INTS8: variants seen among roughly 807,000 people sequenced by gnomAD.
The protein encoded by INTS8 is integrator complex subunit 8.
In INTS8, 47 loss-of-function variants were observed where a neutral mutation model predicts 138.9. The ratio of observed to expected loss-of-function variants is 0.34; its 90% CI spans 0.27 to 0.43. The LOEUF (loss-of-function observed/expected upper bound fraction) is 0.43, where lower values mean the gene tolerates loss of function less well. Ranked by LOEUF, INTS8 falls within the 20% of genes least tolerant of loss-of-function variation. INTS8 has a pLI of 1.00. For synonymous variants in INTS8, 392 were observed against 400.9 expected (o/e 0.98, Z 0.27); for missense variants, 996 against 1,173.0 (o/e 0.85, Z 2.20).
At chr8:94,833,723 C>G (rs753743607) in intron 6 of INTS8, among the ~76,000 whole-genome samples, 3 of 152,138 alleles carry the variant, frequency 2.0e-5, no homozygotes, top group Non-Finnish European at 4.4e-5. Flanking sequence ...AGTGACAATT[C>G]CTGTTTTTTG....
At chr8:94,874,429 T>C in intron 22 of INTS8, 123 bp from the exon 23 acceptor site, 1 of 664,946 alleles carries the variant, frequency 1.5e-6, no homozygotes, top group Non-Finnish European at 2.8e-6. Flanking sequence ...GGTACAGAGT[T>C]CCCATATATC....
At chr8:94,877,554 C>T (rs1816606348) in intron 26 of INTS8, among the ~76,000 whole-genome samples, 1 of 152,064 alleles carries the variant, frequency 6.6e-6, no homozygotes, top group Non-Finnish European at 1.5e-5. Context: ...TTTTTTGAGA[C>T]CCTTATGCTT....
chr8:94,852,752 A>T (rs1305115219), intron 13 of INTS8, among the ~76,000 whole-genome samples: 1 of 151,734 alleles, frequency 6.6e-6, no homozygotes, highest in African/African-American at 2.4e-5. Flanking sequence ...ACCATGCCTG[A>T]TGAATTTTGT....
At chr8:94,867,670 C>A (rs949201083) in intron 20 of INTS8, 1 of 184,026 alleles carries the variant, frequency 5.4e-6, no homozygotes, top group Non-Finnish European at 1.1e-5. Flanking sequence ...ATTACAGGCA[C>A]CCACCACCAC....
chr8:94,867,767 G>C (rs1816237504), intron 20 of INTS8: 1 of 154,742 alleles, frequency 6.5e-6, no homozygotes, highest in Non-Finnish European at 1.4e-5. Flanking sequence ...CAAGTGATCT[G>C]CCCACCTCAG....
intron 20 of INTS8, among the ~76,000 whole-genome samples, chr8:94,870,325 A>G (rs1816352834): frequency 6.6e-6 from 1 of 152,176 alleles, no homozygotes; most frequent in South Asian, 2.1e-4. Flanking sequence ...TACTGGTATT[A>G]CAGGCGTGAG....
chr8:94,865,806 T>C (rs1427919641), intron 17 of INTS8, 116 bp downstream of exon 17: 1 of 988,894 alleles, frequency 1.0e-6, no homozygotes, highest in Non-Finnish European at 1.5e-6. Flanking sequence ...CTGTATATCA[T>C]AAAGTTGGAC....
chr8:94,863,353 G>A (rs1816063780), intron 16 of INTS8, among the ~76,000 whole-genome samples: 1 of 152,194 alleles, frequency 6.6e-6, no homozygotes, highest in Non-Finnish European at 1.5e-5. Context: ...CTGTGCACAC[G>A]CTGTTTGTCA....
intron 13 of INTS8, 78 bp from the exon 14 acceptor site, chr8:94,853,727 A>G (rs1815637680): frequency 1.3e-6 from 1 of 765,870 alleles, no homozygotes; most frequent in South Asian, 1.7e-5. Context: ...AATGCGATTG[A>G]AGATTGTTGA....
At position 94,832,255 on chromosome 8, in the gene INTS8, A is replaced by G. The variant is rs535481635; in HGVS notation, c.753+81A>G. 2.3e-5 allele frequency: 22 copies of G among 976,844 alleles called. No homozygotes were observed. The South Asian group carries it at 3.4e-4, about 15-fold the overall frequency. 60.5% of individuals were successfully genotyped at this position (976,844 alleles called of 1,614,324 possible). ...AGATCATCCTCCTATTTTTAATTAG[A>G]ATTTATTTCTGCCTTTGTCTCTTAA... On this transcript the variant is annotated intron_variant, in intron 6 of 26. Coordinates refer to ENST00000523731, the MANE Select transcript of INTS8 (RefSeq NM_017864.4).
rs758309204 is a variant in INTS8, at chr8:94,851,650, G to A, written c.1605G>A (p.Met535Ile). 1 of 1,603,558 alleles carries A rather than the reference G, an allele frequency of 6.2e-7. No homozygotes were observed. The highest frequency in any genetic ancestry group is 1.7e-5 in the Admixed American group (1 of 57,468). The part of the protein sequence containing the change: ...IRQILIELHG[M>I]TSERQFWTVS... ...AAATTTTAATTGAATTACATGGTAT[G>A]ACTTCAGAGCGCCAGTTCTGGACAG... is the stretch of plus-strand genomic sequence containing the variant. Residue 535 changes from methionine to isoleucine, a missense_variant, in exon 13 of 27, where the codon ATG becomes ATA. Physicochemically the swap from Met to Ile is conservative, Grantham distance 10. Transcript: ENST00000523731.
At chr8:94,843,142 C>A (rs1465021477) in intron 10 of INTS8, among the ~76,000 whole-genome samples, 1 of 152,166 alleles carries the variant, frequency 6.6e-6, no homozygotes, top group Admixed American at 6.5e-5. Context: ...AAAGAACATT[C>A]TTTAATTTGC....
At chr8:94,840,062 A>T (rs1815076676) in intron 8 of INTS8, among the ~76,000 whole-genome samples, 1 of 152,244 alleles carries the variant, frequency 6.6e-6, no homozygotes, top group South Asian at 2.1e-4. Context: ...CGGGGAAAAT[A>T]GGAATTTTGT....
intron 6 of INTS8, among the ~76,000 whole-genome samples, chr8:94,835,628 C>G (rs1343472652): frequency 6.6e-6 from 1 of 150,612 alleles, no homozygotes; most frequent in African/African-American, 2.4e-5. Context: ...GAGACAGAGT[C>G]TCGCCCTGTC....
intron 17 of INTS8, 125 bp downstream of exon 17, chr8:94,865,815 A>G: frequency 1.1e-6 from 1 of 915,428 alleles, no homozygotes; most frequent in Non-Finnish European, 1.7e-6. Context: ...ATAAAGTTGG[A>G]CAATCTTACG....
At chr8:94,836,742 G>T in intron 7 of INTS8, 111 bp downstream of exon 7, 1 of 652,560 alleles carries the variant, frequency 1.5e-6, no homozygotes, top group Non-Finnish European at 2.6e-6. Context: ...ATAAATGTGT[G>T]ATGTTCAAGA....
At chr8:94,835,350 G>T (rs539448866) in intron 6 of INTS8, among the ~76,000 whole-genome samples, 7 of 152,138 alleles carry the variant, frequency 4.6e-5, no homozygotes, top group Non-Finnish European at 8.8e-5. Context: ...GTAATTCCAG[G>T]TGTCAATATA....
chr8:94,867,278 G>A lies in INTS8; in HGVS notation c.2355G>A (p.Glu785=), dbSNP rs756816473. The part of the protein sequence containing the change: ...SLFVKLHNVR[E]DIVNDITAEH... ...CACCTTTTTTTTTCTTTTTAAAGGA[G>A]GACATTGTGAATGATATTACAGCTG... The change falls in exon 20 of 27, where the codon GAG becomes GAA. Residue 785 remains glutamate, a splice_region_variant and synonymous_variant. Transcript: ENST00000523731. The A allele has an allele frequency of 2.2e-5, 36 of 1,609,540 alleles. No homozygotes were observed. In the South Asian group the frequency reaches 2.9e-4, roughly 13 times the overall value.
At position 94,874,434 on chromosome 8, in the gene INTS8, T is replaced by C. The variant is rs752690036; in HGVS notation, c.2638-118T>C. On this transcript the variant is annotated intron_variant, in intron 22 of 26. Transcript: ENST00000523731. Reference sequence around the variant, plus strand: ...TTGAATAAAAGGTACAGAGTTCCCATATATCCCCCGTTCCTCCACACACAG... The same window carrying C: ...TTGAATAAAAGGTACAGAGTTCCCACATATCCCCCGTTCCTCCACACACAG... The C allele has an allele frequency of 4.6e-4, 312 of 675,930 alleles. 2 individuals carry two copies. The highest frequency in any genetic ancestry group is 6.8e-4 in the Non-Finnish European group (252 of 368,428). The allele number at this position is 675,930 out of a possible 1,614,324, so 41.9% of individuals were successfully genotyped here. A position where few individuals can be genotyped will look rare whatever the true frequency, so the allele number is the denominator to read the frequency against.
Sources: gnomAD v4.1 joint callset for allele counts (sites outside exome capture counted in the v4.1 genomes callset) on GRCh38, gnomAD v4.1.1 for gene constraint, MANE v1.5 for transcripts, NCBI Gene and HGNC (gene_info 2026-07-23, HGNC 2026-07-21) for gene names.